The following FARS2 variants were observed in gnomAD, a reference collection of about 807,000 sequenced individuals.
The protein encoded by FARS2 is phenylalanine--tRNA ligase, mitochondrial.
A neutral mutation model predicts 46.4 loss-of-function variants in FARS2; 40 were observed. The observed-to-expected ratio is 0.86, with a 90% CI of 0.67 to 1.12. The LOEUF is 1.12. FARS2 is among the 50% of genes most tolerant of loss of function. FARS2 has a pLI of 0.00. For missense variants in FARS2, 513 were observed against 567.9 expected (o/e 0.90, Z 0.98); for synonymous variants, 234 against 214.9 (o/e 1.09, Z -0.78).
chr6:5,368,816 G>A lies in FARS2; in HGVS notation c.246G>A (p.Gln82=). 1 of 1,614,158 alleles carries A rather than the reference G, an allele frequency of 6.2e-7. No homozygotes were observed. Among genetic ancestry groups the A allele is most frequent in the South Asian group, 1.1e-5 (1 of 91,068 alleles). Residue 82 remains glutamine, a synonymous_variant, in exon 2 of 7, where the codon CAG becomes CAA. Transcript: ENST00000274680. The part of the protein sequence containing the change: ...TRVGRNLHNQ[Q]HHPLWLIKER... ...TTGGCAGGAACCTGCACAACCAGCA[G>A]CATCACCCTCTGTGGCTGATCAAGG...
At chr6:5,444,482 AAAAAAAAAAAAGAGAG>A (rs1176793219) in intron 4 of FARS2, among the ~76,000 whole-genome samples, 3 of 92,282 alleles carry the variant, frequency 3.3e-5, no homozygotes, top group Non-Finnish European at 6.1e-5. Flanking sequence ...AAAAAAAAAA[AAAAAAAAAAAAGAGAG>A]AGAGAGAGAG....
chr6:5,712,479 C>G (rs1229608308), intron 6 of FARS2, among the ~76,000 whole-genome samples: 1 of 152,132 alleles, frequency 6.6e-6, no homozygotes. Flanking sequence ...CTTCTGCACC[C>G]ACCTTTTAGA....
intron 5 of FARS2, among the ~76,000 whole-genome samples, chr6:5,593,597 C>T (rs996573564): frequency 6.6e-6 from 1 of 152,232 alleles, no homozygotes; most frequent in African/African-American, 2.4e-5. Flanking sequence ...GTTCTTCACA[C>T]TTTCCGTGGG....
chr6:5,513,876 C>A, intron 4 of FARS2, among the ~76,000 whole-genome samples: 1 of 151,196 alleles, frequency 6.6e-6, no homozygotes, highest in South Asian at 2.1e-4. Flanking sequence ...TTACAGATCA[C>A]AAGAGTTCAA....
chr6:5,315,745 T>TCTTTCTTTCTTTCCTTCTTC (rs1769456161), intron 1 of FARS2, among the ~76,000 whole-genome samples: 1 of 150,208 alleles, frequency 6.7e-6, no homozygotes, highest in Non-Finnish European at 1.5e-5. Flanking sequence ...TTTTTTCCTT[T>TCTTTCTTTCTTTCCTTCTTC]CTTTCTTTCT....
intron 1 of FARS2, among the ~76,000 whole-genome samples, chr6:5,310,801 T>C (rs1305419416): frequency 6.6e-6 from 1 of 152,208 alleles, no homozygotes; most frequent in Non-Finnish European, 1.5e-5. Flanking sequence ...TAACAAAAAA[T>C]CTATTTCACT....
the FARS2 span, among the ~76,000 whole-genome samples, chr6:5,253,965 A>G: frequency 2.6e-5 from 4 of 152,320 alleles, no homozygotes; most frequent in Non-Finnish European, 5.9e-5. Context: ...TGACCAGCTC[A>G]GTGGCTGGAC....
chr6:5,464,566 C>CA (rs1271926250), intron 4 of FARS2, among the ~76,000 whole-genome samples: 2 of 152,206 alleles, frequency 1.3e-5, no homozygotes, highest in Non-Finnish European at 2.9e-5. Flanking sequence ...TACCTTTACT[C>CA]AATTGCCAGG....
At chr6:5,257,971 G>GA (rs1764761803), upstream of FARS2, among the ~76,000 whole-genome samples, 1 of 152,212 alleles carries the variant, frequency 6.6e-6, no homozygotes, top group Admixed American at 6.5e-5. Flanking sequence ...GTGGGATGAA[G>GA]AGAGTTGGGA....
rs1263415975 is a variant in FARS2, at chr6:5,765,606, G to A, written c.1218-5685G>A. ...GCGTGTCAGTGTTCTCGGGGAGGTG[G>A]GAGAAATTATGCACTGAAGAGCAAA... On this transcript the variant is annotated intron_variant, in intron 6 of 6. Coordinates refer to ENST00000274680, the MANE Select transcript of FARS2 (RefSeq NM_006567.5). The surrounding 1 kb of genome is among the most constrained non-coding windows in gnomAD (Gnocchi z 4.0). Among the ~76,000 whole-genome samples the A allele has an allele frequency of 1.3e-5, 2 of 152,180 alleles. No homozygotes were observed. The highest frequency in any genetic ancestry group is 2.9e-5 in the Non-Finnish European group (2 of 68,026).
chr6:5,273,317 C>G (rs142223101), intron 1 of FARS2, among the ~76,000 whole-genome samples: 1 of 152,290 alleles, frequency 6.6e-6, no homozygotes, highest in Non-Finnish European at 1.5e-5. Context: ...TTCTCCACAT[C>G]TGTGCCGGCA....
At chr6:5,552,490 C>A (rs1771426903) in intron 5 of FARS2, among the ~76,000 whole-genome samples, 1 of 152,152 alleles carries the variant, frequency 6.6e-6, no homozygotes, top group Non-Finnish European at 1.5e-5. Context: ...GTGTCTTTCT[C>A]TGTGCGGCCT....
At chr6:5,400,185 T>G (rs907239953) in intron 2 of FARS2, among the ~76,000 whole-genome samples, 4 of 152,202 alleles carry the variant, frequency 2.6e-5, no homozygotes, top group Non-Finnish European at 5.9e-5. Flanking sequence ...ATTATGTCAG[T>G]GTTATTTTAA....
At chr6:5,687,975 G>A (rs376011089) in intron 6 of FARS2, among the ~76,000 whole-genome samples, 4 of 152,138 alleles carry the variant, frequency 2.6e-5, no homozygotes, top group South Asian at 2.1e-4. Flanking sequence ...GTGAATGGGA[G>A]TTCACTCATG....
chr6:5,659,245 T>A (rs6597156), intron 6 of FARS2, among the ~76,000 whole-genome samples: 1 of 151,982 alleles, frequency 6.6e-6, no homozygotes, highest in East Asian at 1.9e-4. Flanking sequence ...TGGTGCTATT[T>A]TCTCATTTTC....
Position 5,717,933 on chromosome 6 carries a change from T to TAGAGAGAGAGAGAGAGAGAGAGAGAGAG in FARS2, c.1218-53357_1218-53356insGAGAGAGAGAGAGAGAGAGAGAGAGAGA, listed in dbSNP as rs1195279552. ...CTATATATATATATATATATATATA[T>TAGAGAGAGAGAGAGAGAGAGAGAGAGAG]ATACAGAGTCTCACTCTGTCGCCCA... On this transcript the variant is annotated intron_variant, in intron 6 of 6. Transcript: ENST00000274680. Among the ~76,000 whole-genome samples the TAGAGAGAGAGAGAGAGAGAGAGAGAGAG allele has an allele frequency of 7.6e-4, 97 of 128,234 alleles. 3 individuals are homozygous for TAGAGAGAGAGAGAGAGAGAGAGAGAGAG. Among genetic ancestry groups the TAGAGAGAGAGAGAGAGAGAGAGAGAGAG allele is most frequent in the African/African-American group, 3.5e-3 (89 of 25,636 alleles). The allele number at this position is 128,234 out of a possible 152,430, so 84.1% of individuals were successfully genotyped here.
rs1384191326 is a variant in FARS2, at chr6:5,744,560, A to C, written c.1218-26731A>C. On this transcript the variant is annotated intron_variant, in intron 6 of 6. Transcript: ENST00000274680. Reference sequence around the variant, plus strand: ...CAAACCCAGTTCTGTCTGATTCCCAAGCCTGCCTCTTCTGCCCAGCGGTAT... The same window carrying C: ...CAAACCCAGTTCTGTCTGATTCCCACGCCTGCCTCTTCTGCCCAGCGGTAT... Among the ~76,000 whole-genome samples the C allele has an allele frequency of 2.0e-5, 3 of 152,190 alleles. No individual in the cohort carries two copies. The East Asian group carries it at 5.8e-4, about 29-fold the overall frequency.
intron 3 of FARS2, among the ~76,000 whole-genome samples, chr6:5,411,143 A>G (rs1056240979): frequency 5.3e-5 from 8 of 152,170 alleles, no homozygotes; most frequent in Non-Finnish European, 1.0e-4. Flanking sequence ...GCCAGGCCCA[A>G]TGGCTCACGC....
chr6:5,625,292 C>A (rs1355016202), intron 6 of FARS2, among the ~76,000 whole-genome samples: 1 of 152,166 alleles, frequency 6.6e-6, no homozygotes, highest in Non-Finnish European at 1.5e-5. Context: ...TTGGGCCTCA[C>A]GTTGCTGGTC....
Sources: gnomAD v4.1 joint callset for allele counts (sites outside exome capture counted in the v4.1 genomes callset) on GRCh38, gnomAD v4.1.1 for gene constraint, Gnocchi (gnomAD v3.1) non-coding constraint, MANE v1.5 for transcripts, NCBI Gene and HGNC (gene_info 2026-07-23, HGNC 2026-07-21) for gene names.